Variants in FANCA observed in about 807,000 individuals in gnomAD.
FANCA encodes the protein FA complementation group A, also known as Fanconi anemia group A protein.
Under a neutral mutation model 194.3 loss-of-function variants are expected in FANCA, and 236 were observed. That is an observed-to-expected ratio of 1.21 (90% confidence interval 1.09 to 1.35). The LOEUF (loss-of-function observed/expected upper bound fraction) is 1.35. FANCA is among the 40% of genes most tolerant of loss of function. The pLI is 0.00. For synonymous variants in FANCA, 1,014 were observed against 715.8 expected, an observed-to-expected ratio of 1.42 and a Z score of -6.65; for missense variants, 2,628 against 1,813.9, an observed-to-expected ratio of 1.45 and a Z score of -8.15.
chr16:89,772,078 C>G (rs958498129), intron 22 of FANCA, among the ~76,000 whole-genome samples: 6 of 152,172 alleles, frequency 3.9e-5, no homozygotes, highest in Non-Finnish European at 7.3e-5. Context: ...GTTCATTCAC[C>G]AACATGAACC....
chr16:89,763,607 T>C (rs955907356), intron 28 of FANCA, among the ~76,000 whole-genome samples: 1 of 152,074 alleles, frequency 6.6e-6, no homozygotes, highest in African/African-American at 2.4e-5. Flanking sequence ...CCAGAGACCC[T>C]GAGTGACCAC....
At chr16:89,811,262 T>G (rs2040868711) in intron 3 of FANCA, among the ~76,000 whole-genome samples, 191 bp from the exon 4 acceptor site, 1 of 152,192 alleles carries the variant, frequency 6.6e-6, no homozygotes, top group African/African-American at 2.4e-5. Context: ...CAGCTCACAA[T>G]AAAACTGGTG....
In FANCA at chr16:89,743,016, A is replaced by G. The variant is rs936295292; in HGVS notation, c.3627-78T>C. Reference sequence around the variant, plus strand: ...CCATAGAAACCAAGTCCTTATTCCCACCTGTCACCTTTGGGGCCTGCCTTT... The same window carrying G: ...CCATAGAAACCAAGTCCTTATTCCCGCCTGTCACCTTTGGGGCCTGCCTTT... On this transcript the variant is annotated intron_variant, in intron 36 of 42. Transcript: ENST00000389301. The G allele has an allele frequency of 9.0e-5, 138 of 1,533,536 alleles. 2 individuals are homozygous for G. The highest frequency in any genetic ancestry group is 5.4e-4 in the South Asian group (45 of 83,710). The allele number at this position is 1,533,536 out of a possible 1,614,324, so 95.0% of individuals were successfully genotyped here.
Position 89,791,550 on chromosome 16 carries a change from A to G in FANCA, c.1226-14T>C. ...GCGCCACCCAGTCTAGTTAAGAACC[A>G]TGACATAGTCACAGCAAGGCAAGGG... On this transcript the variant is annotated splice_polypyrimidine_tract_variant and intron_variant, in intron 13 of 42. Transcript: ENST00000389301. The G allele has an allele frequency of 6.2e-7, 1 of 1,613,960 alleles. No homozygotes were observed. The highest frequency in any genetic ancestry group is 8.5e-7 in the Non-Finnish European group (1 of 1,180,006).
rs554139541 is a variant in FANCA at position 89,745,337 on chromosome 16, CCT to C, written c.3514-268_3514-267del. On this transcript the variant is annotated intron_variant, in intron 35 of 42. Transcript: ENST00000389301. ...CGCAACAGTGAAGGGACCACACTCCCCTGAGCTGGGAACGAAACAGTGAAGGG... is the reference window on the plus strand; with the variant it reads ...CGCAACAGTGAAGGGACCACACTCCCGAGCTGGGAACGAAACAGTGAAGGG... Among the ~76,000 whole-genome samples the C allele has an allele frequency of 9.3e-4, 140 of 151,062 alleles. 1 individual carries two copies. Among genetic ancestry groups the C allele is most frequent in the African/African-American group, 3.0e-3 (124 of 41,078 alleles).
At chr16:89,789,734 T>C (rs2040006823) in intron 14 of FANCA, among the ~76,000 whole-genome samples, 1 of 152,128 alleles carries the variant, frequency 6.6e-6, no homozygotes, top group African/African-American at 2.4e-5. Flanking sequence ...CCACTGTACC[T>C]GGCCCGAACC....
intron 3 of FANCA, among the ~76,000 whole-genome samples, chr16:89,814,287 C>A (rs191367494): frequency 6.6e-6 from 1 of 152,220 alleles, no homozygotes; most frequent in South Asian, 2.1e-4. Context: ...AAGGGACACT[C>A]TGGGTCCTAC....
chr16:89,756,056 T>C (rs985383158), intron 30 of FANCA, among the ~76,000 whole-genome samples: 1 of 151,972 alleles, frequency 6.6e-6, no homozygotes, highest in African/African-American at 2.4e-5. Flanking sequence ...TATCTAAACA[T>C]AGAAAAGGTA....
At chr16:89,752,086 C>T in intron 31 of FANCA, 52 bp downstream of exon 31, 5 of 1,510,716 alleles carry the variant, frequency 3.3e-6, no homozygotes, top group Admixed American at 3.3e-5. Context: ...ATCTTAATAG[C>T]ACGCGGCTTA....
rs770984577 is a variant in FANCA at position 89,815,971 on chromosome 16, C to T, written c.95G>A (p.Arg32Lys). Residue 32 changes from arginine to lysine, a missense_variant, in exon 2 of 43, where the codon AGG becomes AAG. Arg to Lys is a conservative substitution (Grantham distance 26). Coordinates refer to ENST00000389301, the MANE Select transcript of FANCA (RefSeq NM_000135.4). ...TGCCCTTTCAGGATTATATTTTTCC[C>T]TCTTGACCCTTCCCGCTACGGAGAG... is the stretch of plus-strand genomic sequence containing the variant. ...WAELLAGRVK[R>K]EKYNPERAQK... is the part of the protein sequence containing the mutation. The T allele has an allele frequency of 6.2e-7, 1 of 1,613,740 alleles. No individual in the cohort carries two copies.
intron 30 of FANCA, among the ~76,000 whole-genome samples, chr16:89,752,725 G>A (rs955272032): frequency 2.0e-5 from 3 of 152,212 alleles, no homozygotes; most frequent in Non-Finnish European, 2.9e-5. Flanking sequence ...ACAAGAGTGC[G>A]AGCCTTCTGT....
chr16:89,779,050 G>A (rs2039614319), intron 18 of FANCA, 47 bp from the exon 19 acceptor site: 1 of 1,581,030 alleles, frequency 6.3e-7, no homozygotes, highest in African/African-American at 1.3e-5. Context: ...GCAGCGAGAA[G>A]GCAATTCCCA....
At chr16:89,765,517 G>C (rs989582497) in intron 27 of FANCA, among the ~76,000 whole-genome samples, 2 of 152,264 alleles carry the variant, frequency 1.3e-5, no homozygotes, top group African/African-American at 4.8e-5. Context: ...TAAATGTCTG[G>C]AAGCAGAATT....
chr16:89,784,180 C>G (rs1185254290), intron 15 of FANCA, among the ~76,000 whole-genome samples: 1 of 151,932 alleles, frequency 6.6e-6, no homozygotes, highest in Admixed American at 6.6e-5. Context: ...CTGGGCAACA[C>G]AGCAAGACCC....
intron 26 of FANCA, 190 bp downstream of exon 26, chr16:89,769,647 A>G (rs1228487923): frequency 1.5e-6 from 1 of 668,732 alleles, no homozygotes; most frequent in Non-Finnish European, 2.6e-6. Flanking sequence ...TTTATGAACA[A>G]AGAAACAAAC....
At chr16:89,798,922 G>T in intron 10 of FANCA, 1 of 1,602,532 alleles carries the variant, frequency 6.2e-7, no homozygotes, top group Non-Finnish European at 8.5e-7. Flanking sequence ...GACTTCCAGA[G>T]GCGGAACAGG....
At chr16:89,784,772 T>G in intron 15 of FANCA, 82 bp downstream of exon 15, 1 of 1,051,610 alleles carries the variant, frequency 9.5e-7, no homozygotes, top group South Asian at 1.3e-5. Context: ...TGCAGGAGGC[T>G]CTTGGGGAGG....
intron 25 of FANCA, 27 bp downstream of exon 25, chr16:89,770,139 G>A (rs749786005): frequency 1.8e-5 from 28 of 1,574,298 alleles, no homozygotes; most frequent in Admixed American, 3.8e-5. Context: ...GGCCCCCAAG[G>A]GTGGCCCCCA....
chr16:89,799,542 G>C, intron 9 of FANCA, 63 bp downstream of exon 9: 2 of 1,446,260 alleles, frequency 1.4e-6, no homozygotes, highest in Non-Finnish European at 1.9e-6. Context: ...GCAGAAAACT[G>C]ATACAATTGC....
Sources: gnomAD v4.1 joint callset for allele counts (sites outside exome capture counted in the v4.1 genomes callset) on GRCh38, gnomAD v4.1.1 for gene constraint, MANE v1.5 for transcripts, NCBI Gene and HGNC (gene_info 2026-07-23, HGNC 2026-07-21) for gene names.